CDK16: variants seen among roughly 807,000 people sequenced by gnomAD.
CDK16 encodes the protein cyclin dependent kinase 16.
In CDK16, 2 loss-of-function variants were observed where a neutral mutation model predicts 41.6. The observed-to-expected ratio is 0.05, with a 90% CI of 0.02 to 0.15. The LOEUF is 0.15. CDK16 is among the 10% of genes least tolerant of loss of function. CDK16 has a pLI of 1.00. For synonymous variants in CDK16, 169 were observed against 169.7 expected (o/e 1.00, Z 0.03); for missense variants, 228 against 428.9 (o/e 0.53, Z 4.14).
At position 47,218,681 on chromosome X, in the gene CDK16, C is replaced by G. The variant is rs374522627; in HGVS notation, c.-431C>G. 7 of 1,165,300 alleles carry G rather than the reference C, an allele frequency of 6.0e-6. No homozygotes were observed. The African/African-American group carries it at 1.3e-4, about 21-fold the overall frequency. ...CAGTCCGAGGTGAGTCCCCTCCTTT[C>G]CACTTCACCCTTCCGAGCGCCTGCG... On this transcript the variant is annotated 5_prime_UTR_variant, in exon 1 of 16. Transcript: ENST00000357227.
intron 1 of CDK16, chrX:47,222,960 C>T (rs1340456575): frequency 1.4e-6 from 1 of 737,561 alleles, no homozygotes; most frequent in Non-Finnish European, 1.8e-6. Context: ...GCTCCCCTCC[C>T]CCCCCCCACC....
chrX:47,227,073 C>T lies in CDK16; in HGVS notation c.1215C>T (p.Ala405=), dbSNP rs200898804. The T allele has an allele frequency of 1.6e-5, 19 of 1,210,121 alleles. No homozygotes were observed. The Middle Eastern group carries it at 6.9e-4, about 44-fold the overall frequency. The part of the protein sequence containing the change: ...FKTYNYPKYR[A]EALLSHAPRL... ...CATACAACTACCCCAAGTACCGAGCCGAGGCCCTTTTGAGCCACGCACCCC... is the reference window on the plus strand; with the variant it reads ...CATACAACTACCCCAAGTACCGAGCTGAGGCCCTTTTGAGCCACGCACCCC... Residue 405 remains alanine (A), a synonymous_variant, in exon 12 of 16, where the codon GCC becomes GCT. Coordinates refer to ENST00000357227, the MANE Select transcript of CDK16 (RefSeq NM_006201.5).
chrX:47,224,631 G>A lies in CDK16; in HGVS notation c.350G>A (p.Arg117His), dbSNP rs1937502172. Residue 117 changes from arginine to histidine, a missense_variant, in exon 4 of 16, where the codon CGC (arginine) becomes CAC (histidine). Coordinates refer to ENST00000357227, the MANE Select transcript of CDK16 (RefSeq NM_006201.5). ...RKISTEDINKRLSLPADIRLP... is the reference protein window; with the variant it reads ...RKISTEDINKHLSLPADIRLP... Reference sequence around the variant, plus strand: ...CTTACCTGCTAGGACATCAACAAGCGCCTATCACTACCAGCTGACATCCGG... The same window carrying A: ...CTTACCTGCTAGGACATCAACAAGCACCTATCACTACCAGCTGACATCCGG... The A allele has an allele frequency of 1.7e-6, 2 of 1,211,527 alleles. No individual in the cohort carries two copies. Among genetic ancestry groups the A allele is most frequent in the Non-Finnish European group, 2.2e-6 (2 of 895,462 alleles).
In CDK16 at chrX:47,228,747, C is replaced by T. The variant is rs200237176; in HGVS notation, c.1470C>T (p.Arg490=). The T allele has an allele frequency of 2.0e-5, 24 of 1,208,068 alleles. No individual in the cohort carries two copies. Among genetic ancestry groups the T allele is most frequent in the Middle Eastern group, 4.6e-4 (2 of 4,342 alleles). Residue 490 remains arginine (R), a synonymous_variant, in exon 16 of 16, where the codon CGC becomes CGT. Coordinates refer to ENST00000357227, the MANE Select transcript of CDK16 (RefSeq NM_006201.5). The part of the protein sequence containing the change: ...SMPDSGRPAF[R]VVDTEF ...CCCCCACAGGCAGGCCAGCTTTCCG[C>T]GTGGTGGACACCGAGTTCTAAGCCA...
upstream of CDK16, chrX:47,218,664 G>A (rs1473131015): frequency 8.6e-7 from 1 of 1,166,129 alleles, no homozygotes; most frequent in Admixed American, 2.6e-5. Context: ...TGCAGTCCGA[G>A]GTGAGTCCCC....
chrX:47,220,567 G>A (rs1937297851), intron 1 of CDK16, among the ~76,000 whole-genome samples: 1 of 109,624 alleles, frequency 9.1e-6, no homozygotes, highest in Non-Finnish European at 1.9e-5. Flanking sequence ...GTGTCCCTGC[G>A]GAATAGGGCT....
At chrX:47,226,119 C>T in intron 8 of CDK16, 92 bp downstream of exon 8, 1 of 1,117,242 alleles carries the variant, frequency 9.0e-7, no homozygotes, top group Non-Finnish European at 1.2e-6. Flanking sequence ...TTCCCTTTGG[C>T]TTTTTTTGCT....
intron 1 of CDK16, 143 bp downstream of exon 1, chrX:47,219,248 T>C: frequency 1.6e-6 from 1 of 613,284 alleles, no homozygotes; most frequent in Non-Finnish European, 2.0e-6. Context: ...GGGGGGTCAT[T>C]TGGGGCCTCC....
At chrX:47,224,791 C>G (rs1937508858) in intron 4 of CDK16, 43 bp from the exon 5 acceptor site, 2 of 1,209,204 alleles carry the variant, frequency 1.7e-6, no homozygotes, top group African/African-American at 3.5e-5. Flanking sequence ...TCTCCCAGAC[C>G]CTTCTCCTGA....
chrX:47,219,801 C>CATGGCTGTAGAGGGTGT (rs1449766756), intron 1 of CDK16, among the ~76,000 whole-genome samples: 1 of 110,527 alleles, frequency 9.0e-6, no homozygotes, highest in Non-Finnish European at 1.9e-5. Flanking sequence ...CAGTGGGGGT[C>CATGGCTGTAGAGGGTGT]ATGGCTGTAG....
intron 14 of CDK16, 41 bp from the exon 15 acceptor site, chrX:47,228,526 T>G (rs1441742686): frequency 9.0e-7 from 1 of 1,110,887 alleles, no homozygotes; most frequent in Admixed American, 2.2e-5. Flanking sequence ...CTAGATGACC[T>G]CATGGGTCAT....
chrX:47,226,144 G>A, intron 8 of CDK16, 117 bp downstream of exon 8: 1 of 1,099,871 alleles, frequency 9.1e-7, no homozygotes, highest in Non-Finnish European at 1.2e-6. Context: ...GCCCTTGGAG[G>A]GCACTGGGAC....
At chrX:47,227,130 G>T in intron 12 of CDK16, 31 bp downstream of exon 12, 1 of 1,208,827 alleles carries the variant, frequency 8.3e-7, no homozygotes, top group Non-Finnish European at 1.1e-6. Context: ...GGCGTTAGGG[G>T]CCAGAGTGTC....
At chrX:47,226,214 G>A in intron 8 of CDK16, 65 bp from the exon 9 acceptor site, 1 of 1,199,019 alleles carries the variant, frequency 8.3e-7, no homozygotes, top group Non-Finnish European at 1.1e-6. Flanking sequence ...GAGGGGAGCA[G>A]TGCCTGCTGG....
chrX:47,221,273 GT>G (rs1361444037), intron 1 of CDK16, among the ~76,000 whole-genome samples: 1 of 111,197 alleles, frequency 9.0e-6, no homozygotes, highest in African/African-American at 3.3e-5. Context: ...TTGGGGTAAG[GT>G]TTTATGTCCA....
Position 47,229,225 on chromosome X carries a change from C to A in CDK16, c.*457C>A. 8.2e-6 allele frequency: 2 copies of A among 243,941 alleles called. No individual in the cohort carries two copies. The highest frequency in any genetic ancestry group is 1.5e-5 in the Non-Finnish European group (2 of 135,403). 20.1% of individuals were successfully genotyped at this position (243,941 alleles called of 1,213,427 possible). On this transcript the variant is annotated 3_prime_UTR_variant, in exon 16 of 16. Transcript: ENST00000357227. ...GCTTTCCTGCCTGCCCCACCTGCCT[C>A]ATATTGTGTGGGCCTTTTTTTGTTT...
chrX:47,224,780 C>T (rs746422745), intron 4 of CDK16, 37 bp downstream of exon 4: 2 of 1,211,081 alleles, frequency 1.7e-6, no homozygotes, highest in East Asian at 3.0e-5. Flanking sequence ...CCTTTTTCTT[C>T]TCTCCCAGAC....
At chrX:47,220,892 G>A (rs1325884409) in intron 1 of CDK16, among the ~76,000 whole-genome samples, 2 of 111,155 alleles carry the variant, frequency 1.8e-5, no homozygotes, top group Non-Finnish European at 1.9e-5. Flanking sequence ...TCAGAATCAT[G>A]TAGGGGGAAC....
chrX:47,228,705 G>A, intron 15 of CDK16, 26 bp from the exon 16 acceptor site: 1 of 1,208,980 alleles, frequency 8.3e-7, no homozygotes, highest in East Asian at 3.0e-5. Flanking sequence ...CCCACCAACA[G>A]CCATCTGCTC....
Sources: allele counts gnomAD v4.1 joint callset (sites outside exome capture counted in the v4.1 genomes callset), GRCh38; gene constraint gnomAD v4.1.1; transcripts MANE v1.5; gene names NCBI Gene and HGNC (gene_info 2026-07-23, HGNC 2026-07-21).